The following MCMBP variants were observed in gnomAD, a reference collection of about 807,000 sequenced individuals.
The protein encoded by MCMBP is minichromosome maintenance complex binding protein.
Under a neutral mutation model 81.3 loss-of-function variants are expected in MCMBP, and 31 were observed. That is an observed-to-expected ratio of 0.38 (90% CI 0.29 to 0.51). The LOEUF is 0.51. Ranked by LOEUF, MCMBP falls within the 20% of genes least tolerant of loss-of-function variation. MCMBP has a pLI of 0.87. For missense variants in MCMBP, 645 were observed against 772.1 expected (o/e 0.84, Z 1.95); for synonymous variants, 267 against 275.9 (o/e 0.97, Z 0.32).
chr10:119,850,742 C>A (rs1293802334), intron 6 of MCMBP, among the ~76,000 whole-genome samples: 17 of 89,106 alleles, frequency 1.9e-4, no homozygotes, highest in Non-Finnish European at 3.0e-4. Context: ...GAGCAAGACT[C>A]CGTCTAAAAA....
chr10:119,849,006 G>A (rs1852716509), intron 7 of MCMBP, among the ~76,000 whole-genome samples: 1 of 152,124 alleles, frequency 6.6e-6, no homozygotes, highest in Non-Finnish European at 1.5e-5. Context: ...TGAAATGGGG[G>A]GGATTATCCT....
intron 9 of MCMBP, 164 bp from the exon 10 acceptor site, chr10:119,842,759 G>T: frequency 5.6e-6 from 4 of 713,774 alleles, no homozygotes; most frequent in South Asian, 4.4e-5. Context: ...AAGGCAGTTT[G>T]CATCCTCCTT....
At position 119,831,570 on chromosome 10, in the gene MCMBP, C is replaced by G. The variant is rs374828716; in HGVS notation, c.1827G>C (p.Thr609=). Residue 609 remains threonine, a synonymous_variant, in exon 16 of 16, where the codon ACG becomes ACC. Transcript: ENST00000369077. ...CTCTCAGCCATCGTTCTCTTGACAGCGTTGTCTGACCAGCACTGAGAGACA... is the reference window on the plus strand; with the variant it reads ...CTCTCAGCCATCGTTCTCTTGACAGGGTTGTCTGACCAGCACTGAGAGACA... ...RCLSLSAGQT[T]LSRERWLRAK... 6.2e-7 allele frequency: 1 copy of G among 1,614,010 alleles called. No individual in the cohort carries two copies. Among genetic ancestry groups the G allele is most frequent in the East Asian group, 2.2e-5 (1 of 44,878 alleles).
At position 119,830,186 on chromosome 10, in the gene MCMBP, T is replaced by G. The variant is rs1166877773; in HGVS notation, c.*1288A>C. On this transcript the variant is annotated 3_prime_UTR_variant, in exon 16 of 16. Transcript: ENST00000369077. ...TTTTTCAAGGCTGACCCTGTTTCCT[T>G]GGTTAACAATTTCAATTTAGGCCTT... 1.3e-5 allele frequency: 2 copies of G among 152,668 alleles called. No homozygotes were observed. The highest frequency in any genetic ancestry group is 1.3e-4 in the Admixed American group (2 of 15,278). The allele number at this position is 152,668 out of a possible 1,614,324, so 9.5% of individuals were successfully genotyped here.
chr10:119,848,834 G>A (rs1436260297), intron 7 of MCMBP, among the ~76,000 whole-genome samples: 1 of 152,182 alleles, frequency 6.6e-6, no homozygotes, highest in African/African-American at 2.4e-5. Context: ...AGAGAAGGAA[G>A]AAGACAAAAA....
chr10:119,855,157 G>C (rs1278320345), intron 5 of MCMBP, among the ~76,000 whole-genome samples: 1 of 152,044 alleles, frequency 6.6e-6, no homozygotes, highest in Non-Finnish European at 1.5e-5. Flanking sequence ...CACGAAGAAT[G>C]AGACTACACA....
chr10:119,860,010 T>C (rs978597593), intron 1 of MCMBP, 126 bp from the exon 2 acceptor site: 1 of 658,536 alleles, frequency 1.5e-6, no homozygotes, highest in Non-Finnish European at 2.6e-6. Flanking sequence ...TATGATAGAA[T>C]GAATTTTTAG....
chr10:119,868,325 C>A (rs1853544585), intron 1 of MCMBP, among the ~76,000 whole-genome samples: 1 of 152,252 alleles, frequency 6.6e-6, no homozygotes, highest in African/African-American at 2.4e-5. Context: ...ACTCGAGAGG[C>A]TGAGGCATGA....
rs1298743959 is a variant in MCMBP, at chr10:119,830,080, T to C, written c.*1394A>G. On this transcript the variant is annotated 3_prime_UTR_variant, in exon 16 of 16. Coordinates refer to ENST00000369077, the MANE Select transcript of MCMBP (RefSeq NM_001256378.2). ...AATATAAACATTATTTACATTTGTTTATAAAAATAGATTTGAGTTTAGGAA... is the reference window on the plus strand; with the variant it reads ...AATATAAACATTATTTACATTTGTTCATAAAAATAGATTTGAGTTTAGGAA... The C allele has an allele frequency of 6.5e-6, 1 of 152,682 alleles. No individual in the cohort carries two copies. The highest frequency in any genetic ancestry group is 1.5e-5 in the Non-Finnish European group (1 of 68,052). The allele number at this position is 152,682 out of a possible 1,614,324, so 9.5% of individuals were successfully genotyped here.
Position 119,859,808 on chromosome 10 carries a change from A to T in MCMBP, c.135T>A (p.Ala45=), listed in dbSNP as rs776166478. 4 of 1,612,082 alleles carry T rather than the reference A, an allele frequency of 2.5e-6. No homozygotes were observed. Among genetic ancestry groups the T allele is most frequent in the Non-Finnish European group, 3.4e-6 (4 of 1,178,474 alleles). Residue 45 remains alanine (A), a synonymous_variant, in exon 2 of 16, where the codon GCT becomes GCA. Coordinates refer to ENST00000369077, the MANE Select transcript of MCMBP (RefSeq NM_001256378.2). ...YFKEKLKENN[A]PKWVPSLNEV... is the part of the protein sequence containing the mutation. Reference sequence around the variant, plus strand: ...ATAGCAATAAGCTTACCCACTTAGGAGCATTATTTTCCTTCAGCTTTTCCT... The same window carrying T: ...ATAGCAATAAGCTTACCCACTTAGGTGCATTATTTTCCTTCAGCTTTTCCT...
At chr10:119,858,819 A>G in intron 4 of MCMBP, 65 bp downstream of exon 4, 1 of 1,181,812 alleles carries the variant, frequency 8.5e-7, no homozygotes, top group Non-Finnish European at 1.2e-6. Context: ...AGATTAGCTA[A>G]ACAAATTCTC....
chr10:119,842,773 T>A (rs1852479177), intron 9 of MCMBP, 178 bp from the exon 10 acceptor site: 1 of 636,980 alleles, frequency 1.6e-6, no homozygotes, highest in Non-Finnish European at 2.5e-6. Flanking sequence ...CCTCCTTTTT[T>A]TTTTTTTTGA....
intron 1 of MCMBP, among the ~76,000 whole-genome samples, chr10:119,863,237 G>A (rs1447361022): frequency 6.6e-6 from 1 of 152,080 alleles, no homozygotes; most frequent in African/African-American, 2.4e-5. Context: ...CAAACCCCAG[G>A]TCACAAAGAT....
At chr10:119,855,577 C>T (rs1447799812) in intron 5 of MCMBP, among the ~76,000 whole-genome samples, 1 of 151,946 alleles carries the variant, frequency 6.6e-6, no homozygotes, top group Non-Finnish European at 1.5e-5. Context: ...GAGGCTGAGG[C>T]AGAGAACTGC....
At chr10:119,854,227 A>G (rs1316794872) in intron 5 of MCMBP, among the ~76,000 whole-genome samples, 1 of 151,718 alleles carries the variant, frequency 6.6e-6, no homozygotes, top group Non-Finnish European at 1.5e-5. Context: ...TTTTTTGTAG[A>G]GACAGAGTAT....
chr10:119,862,049 G>GT (rs1814222718), intron 1 of MCMBP, among the ~76,000 whole-genome samples: 1 of 152,216 alleles, frequency 6.6e-6, no homozygotes, highest in African/African-American at 2.4e-5. Context: ...GCTCACACCT[G>GT]TAATTCCAGC....
At chr10:119,868,418 A>G (rs1030002427) in intron 1 of MCMBP, among the ~76,000 whole-genome samples, 5 of 152,182 alleles carry the variant, frequency 3.3e-5, no homozygotes, top group African/African-American at 1.2e-4. Flanking sequence ...AGAGCAAGAC[A>G]CTGACTCCAG....
intron 6 of MCMBP, 109 bp downstream of exon 6, chr10:119,852,941 A>C: frequency 1.5e-6 from 2 of 1,337,882 alleles, no homozygotes; most frequent in Non-Finnish European, 2.1e-6. Flanking sequence ...TGTAACTCTG[A>C]TAAATTGCCA....
intron 13 of MCMBP, 87 bp downstream of exon 13, chr10:119,836,809 T>C: frequency 4.5e-6 from 2 of 439,904 alleles, no homozygotes; most frequent in South Asian, 7.0e-5. Flanking sequence ...CAAATGTAAC[T>C]TATTAATAAG....
Sources: allele counts gnomAD v4.1 joint callset (sites outside exome capture counted in the v4.1 genomes callset), GRCh38; gene constraint gnomAD v4.1.1; transcripts MANE v1.5; gene names NCBI Gene and HGNC (gene_info 2026-07-23, HGNC 2026-07-21).